PVT1: variants seen among roughly 807,000 people sequenced by gnomAD.
PVT1 encodes the protein Pvt1 oncogene, also known as CXCR4/PVT1 fusion.
chr8:127,854,377 G>A (rs1013823346), intron 2 of PVT1, among the ~76,000 whole-genome samples: 1 of 152,176 alleles, frequency 6.6e-6, no homozygotes, highest in Non-Finnish European at 1.5e-5. Context: ...CTGAGTCATC[G>A]CTCAGCAGTG....
intron 5 of PVT1, among the ~76,000 whole-genome samples, chr8:128,086,428 A>G (rs1038423751): frequency 2.0e-5 from 3 of 152,208 alleles, no homozygotes; most frequent in Non-Finnish European, 4.4e-5. Context: ...AGGCAAACCT[A>G]CTTCAGGACA....
intron 2 of PVT1, among the ~76,000 whole-genome samples, chr8:127,835,295 A>G (rs935602074): frequency 6.6e-6 from 1 of 152,200 alleles, no homozygotes; most frequent in Non-Finnish European, 1.5e-5. Context: ...TGTCCTTTGC[A>G]GGGACTTGGA....
chr8:127,988,467 G>A (rs1482091786), intron 3 of PVT1, among the ~76,000 whole-genome samples: 1 of 152,238 alleles, frequency 6.6e-6, no homozygotes, highest in Non-Finnish European at 1.5e-5. Context: ...ACCAGGCGCT[G>A]CTTTAGGATA....
At chr8:128,009,986 G>T (rs1282468804) in intron 4 of PVT1, among the ~76,000 whole-genome samples, 2 of 152,134 alleles carry the variant, frequency 1.3e-5, no homozygotes, top group Non-Finnish European at 2.9e-5. Flanking sequence ...TGAACAGCAA[G>T]AATCTTTTGC....
chr8:127,984,929 CTTTCTT>C (rs1563657687), intron 3 of PVT1, among the ~76,000 whole-genome samples: 3 of 124,694 alleles, frequency 2.4e-5, no homozygotes, highest in African/African-American at 3.2e-5. Flanking sequence ...TTCTCTTTCT[CTTTCTT>C]TCTTTCTTTC....
chr8:127,848,358 C>G (rs1024232839), intron 2 of PVT1, among the ~76,000 whole-genome samples: 7 of 151,924 alleles, frequency 4.6e-5, no homozygotes, highest in African/African-American at 1.7e-4. Flanking sequence ...CGAGGCCAGC[C>G]TGGGCAACAT....
chr8:127,977,346 T>A (rs1217253571), intron 3 of PVT1, among the ~76,000 whole-genome samples: 1 of 152,116 alleles, frequency 6.6e-6, no homozygotes, highest in African/African-American at 2.4e-5. Context: ...TGAAGCTGTT[T>A]TCTCACAATG....
At chr8:127,801,941 G>A (rs1814469624) in intron 2 of PVT1, among the ~76,000 whole-genome samples, 1 of 151,526 alleles carries the variant, frequency 6.6e-6, no homozygotes. Flanking sequence ...TACTGAGACA[G>A]AGTCTCACCT....
intron 2 of PVT1, among the ~76,000 whole-genome samples, chr8:127,879,412 C>T (rs1339986140): frequency 2.0e-5 from 3 of 152,184 alleles, no homozygotes; most frequent in Non-Finnish European, 4.4e-5. Context: ...GCCTGTAATC[C>T]TAGCTACTTG....
chr8:127,894,780 G>C (rs1190706011), intron 3 of PVT1, among the ~76,000 whole-genome samples: 2 of 152,212 alleles, frequency 1.3e-5, no homozygotes, highest in Non-Finnish European at 2.9e-5. Flanking sequence ...ACCGGTAATT[G>C]TTTCTATTTG....
chr8:128,052,995 T>C (rs1813716927), intron 4 of PVT1, among the ~76,000 whole-genome samples: 1 of 152,222 alleles, frequency 6.6e-6, no homozygotes, highest in Non-Finnish European at 1.5e-5. Flanking sequence ...TAGTGCTTTC[T>C]TCTAGTAACC....
intron 2 of PVT1, among the ~76,000 whole-genome samples, chr8:127,830,593 C>T (rs184038843): frequency 6.6e-6 from 1 of 152,068 alleles, no homozygotes; most frequent in Admixed American, 6.5e-5. Context: ...AAGAATGACT[C>T]CTACGAGTCA....
intron 5 of PVT1, among the ~76,000 whole-genome samples, chr8:128,074,094 G>T (rs890454466): frequency 6.6e-6 from 1 of 152,134 alleles, no homozygotes; most frequent in African/African-American, 2.4e-5. Context: ...CTGTATTCAA[G>T]TGATAGCCCC....
intron 5 of PVT1, among the ~76,000 whole-genome samples, chr8:128,089,581 G>T (rs971336747): frequency 2.6e-5 from 4 of 152,186 alleles, no homozygotes; most frequent in Admixed American, 1.3e-4. Context: ...GGGATGCAAG[G>T]ATTCAACATT....
At chr8:127,927,947 C>A (rs148941166) in intron 3 of PVT1, among the ~76,000 whole-genome samples, 1 of 152,226 alleles carries the variant, frequency 6.6e-6, no homozygotes, top group African/African-American at 2.4e-5. Flanking sequence ...ATTCTCAGTG[C>A]GGTTGGTGGG....
chr8:128,063,302 C>T (rs919794213), intron 4 of PVT1, among the ~76,000 whole-genome samples: 6 of 152,016 alleles, frequency 3.9e-5, no homozygotes, highest in African/African-American at 1.5e-4. Flanking sequence ...CACTTTAGGT[C>T]AGAAGTTCAA....
At chr8:127,876,087 C>T (rs1487183068) in intron 2 of PVT1, among the ~76,000 whole-genome samples, 1 of 152,198 alleles carries the variant, frequency 6.6e-6, no homozygotes, top group Non-Finnish European at 1.5e-5. Context: ...GCCTCCGGAT[C>T]TGCATTGGAG....
At chr8:128,031,795 C>T (rs760403714) in intron 4 of PVT1, among the ~76,000 whole-genome samples, 3 of 152,208 alleles carry the variant, frequency 2.0e-5, no homozygotes, top group South Asian at 2.1e-4. Flanking sequence ...ATGAGAAAAT[C>T]GAAGCTCAGA....
intron 4 of PVT1, among the ~76,000 whole-genome samples, chr8:128,060,971 G>A (rs893206368): frequency 2.7e-5 from 4 of 147,738 alleles, no homozygotes; most frequent in Admixed American, 6.9e-5. Context: ...GTGCAGTGGC[G>A]TGATCTCGGC....
Sources: allele counts gnomAD v4.1 joint callset (sites outside exome capture counted in the v4.1 genomes callset), GRCh38; gene constraint gnomAD v4.1.1; transcripts MANE v1.5; gene names NCBI Gene and HGNC (gene_info 2026-07-23, HGNC 2026-07-21).